ABTB2: variants seen among roughly 807,000 people sequenced by gnomAD.
The protein encoded by ABTB2 is ankyrin repeat and BTB domain containing 2.
ABTB2 carries 56 observed loss-of-function variants against 104.1 expected under a neutral mutation model. The observed-to-expected ratio is 0.54, with a 90% CI of 0.43 to 0.67. The LOEUF (loss-of-function observed/expected upper bound fraction) is 0.67. ABTB2 is among the 30% of genes least tolerant of loss of function. The probability of loss-of-function intolerance (pLI) is 0.00; values close to 1 mark genes in which losing one functional copy is unlikely to be tolerated. For synonymous variants in ABTB2, 606 were observed against 608.2 expected, an observed-to-expected ratio of 1.00 and a Z score of 0.05; for missense variants, 1,279 against 1,407.7, an observed-to-expected ratio of 0.91 and a Z score of 1.46.
intron 3 of ABTB2, among the ~76,000 whole-genome samples, chr11:34,195,017 T>C (rs1053965827): frequency 7.2e-6 from 1 of 139,710 alleles, no homozygotes; most frequent in South Asian, 2.2e-4. Flanking sequence ...TGTATTAGAG[T>C]ACAGGGGGCT....
At chr11:34,226,756 T>C (rs1233275430) in intron 1 of ABTB2, among the ~76,000 whole-genome samples, 2 of 152,220 alleles carry the variant, frequency 1.3e-5, no homozygotes, top group Non-Finnish European at 2.9e-5. Context: ...AACATTTTCA[T>C]CACCCCAAAA....
At chr11:34,163,436 G>A (rs1852751759) in intron 9 of ABTB2, among the ~76,000 whole-genome samples, 1 of 152,210 alleles carries the variant, frequency 6.6e-6, no homozygotes, top group South Asian at 2.1e-4. Context: ...TTAGCCTCGT[G>A]AGAGCCCAGA....
chr11:34,206,867 T>C (rs1853414809), intron 1 of ABTB2, among the ~76,000 whole-genome samples: 1 of 152,108 alleles, frequency 6.6e-6, no homozygotes, highest in Non-Finnish European at 1.5e-5. Context: ...CCCCTCTCCA[T>C]CTCCCTTTGC....
Position 34,166,608 on chromosome 11 carries a change from C to G in ABTB2, c.1755+651G>C, listed in dbSNP as rs759013496. Among the ~76,000 whole-genome samples the G allele has an allele frequency of 5.0e-4, 76 of 152,360 alleles. 1 individual carries two copies. Among genetic ancestry groups the G allele is most frequent in the South Asian group, 1.0e-3 (5 of 4,832 alleles). On this transcript the variant is annotated intron_variant, in intron 7 of 16. Transcript: ENST00000435224. ...GGAGCGAGGGTGTCACGCTAACTCCCTGGAAGGGGTGCCATGAAACCCTGC... is the reference window on the plus strand; with the variant it reads ...GGAGCGAGGGTGTCACGCTAACTCCGTGGAAGGGGTGCCATGAAACCCTGC...
intron 1 of ABTB2, among the ~76,000 whole-genome samples, chr11:34,295,293 G>A (rs953305070): frequency 6.6e-6 from 1 of 152,194 alleles, no homozygotes; most frequent in African/African-American, 2.4e-5. Context: ...ACACAGGCTA[G>A]AGGTCGTGGG....
chr11:34,241,866 C>A (rs1180860927), intron 1 of ABTB2, among the ~76,000 whole-genome samples: 1 of 152,210 alleles, frequency 6.6e-6, no homozygotes, highest in Non-Finnish European at 1.5e-5. Context: ...AATTTAGAAT[C>A]TAAGGCTGAG....
intron 3 of ABTB2, among the ~76,000 whole-genome samples, chr11:34,196,016 AC>A (rs543720781): frequency 9.9e-5 from 15 of 152,062 alleles, no homozygotes; most frequent in Non-Finnish European, 2.1e-4. Context: ...CCTGGGCTTC[AC>A]TGAGTGGTGA....
At chr11:34,251,723 G>T (rs558817824) in intron 1 of ABTB2, among the ~76,000 whole-genome samples, 13 of 152,120 alleles carry the variant, frequency 8.5e-5, no homozygotes, top group Non-Finnish European at 1.9e-4. Context: ...GCACTACACA[G>T]ATATAAGGAA....
intron 1 of ABTB2, 48 bp from the exon 2 acceptor site, chr11:34,204,738 T>G (rs1465493975): frequency 1.3e-6 from 2 of 1,575,270 alleles, no homozygotes; most frequent in Admixed American, 1.7e-5. Context: ...GGAGTGGAAG[T>G]TCAGTGGGCC....
chr11:34,204,598 G>A lies in ABTB2; in HGVS notation c.976C>T (p.Arg326Ter), dbSNP rs764476200. Reference sequence around the variant, plus strand: ...GCCAGGAGGGACTGCTCCAGGGTTCGGAGCTCCAGCTGGGCATAGGCATCG... The same window carrying A: ...GCCAGGAGGGACTGCTCCAGGGTTCAGAGCTCCAGCTGGGCATAGGCATCG... ...RADAYAQLELRTLEQSLLATC... is the reference protein window; with the variant it reads ...RADAYAQLEL Residue 326 changes from arginine to a stop codon, truncating the protein, a stop_gained, in exon 2 of 17, where the codon CGA becomes TGA. Transcript: ENST00000435224. LOFTEE classifies it high-confidence loss of function. 8 of 1,613,642 alleles carry A rather than the reference G, an allele frequency of 5.0e-6. No individual in the cohort carries two copies. The highest frequency in any genetic ancestry group is 5.9e-6 in the Non-Finnish European group (7 of 1,179,990).
intron 1 of ABTB2, among the ~76,000 whole-genome samples, chr11:34,258,465 A>G (rs1209702773): frequency 6.6e-6 from 1 of 152,216 alleles, no homozygotes; most frequent in Non-Finnish European, 1.5e-5. Context: ...GTGTTGCTCT[A>G]GGCAACTTAT....
chr11:34,224,073 C>T (rs568058635), intron 1 of ABTB2, among the ~76,000 whole-genome samples: 2 of 152,258 alleles, frequency 1.3e-5, no homozygotes, highest in Non-Finnish European at 2.9e-5. Flanking sequence ...TGCTCTGTTG[C>T]CCAGGCTGGA....
intron 1 of ABTB2, among the ~76,000 whole-genome samples, chr11:34,276,027 T>G (rs1338020468): frequency 6.6e-6 from 1 of 152,204 alleles, no homozygotes; most frequent in Non-Finnish European, 1.5e-5. Context: ...TTAATCCACC[T>G]ACTCATTGAG....
intron 3 of ABTB2, among the ~76,000 whole-genome samples, chr11:34,188,482 G>A (rs991197983): frequency 3.3e-5 from 5 of 152,196 alleles, no homozygotes; most frequent in South Asian, 2.1e-4. Flanking sequence ...TGTGTGCACC[G>A]TAGACTGTGA....
chr11:34,256,137 C>T (rs1320464647), intron 1 of ABTB2, among the ~76,000 whole-genome samples: 6 of 134,916 alleles, frequency 4.4e-5, no homozygotes, highest in African/African-American at 1.8e-4. Context: ...GTTGTCCACA[C>T]TGCCGTCGGT....
intron 3 of ABTB2, among the ~76,000 whole-genome samples, chr11:34,176,137 G>A (rs1478853896): frequency 6.6e-6 from 1 of 151,960 alleles, no homozygotes; most frequent in African/African-American, 2.4e-5. Context: ...AAAGTTAGCC[G>A]GGCGTGGTGG....
rs1852865927 is a variant in ABTB2 at position 34,170,962 on chromosome 11, T to C, written c.1507A>G (p.Ile503Val). The change falls in exon 5 of 17, where the codon ATC becomes GTC. Residue 503 changes from isoleucine (I) to valine (V), a missense_variant. Ile to Val is a conservative substitution (Grantham distance 29). Coordinates refer to ENST00000435224, the MANE Select transcript of ABTB2 (RefSeq NM_145804.3). ...RMLNCGRTDL[I>V]NQAIEALGPD... ...CCCAAGGCCTCGATGGCTTGGTTGA[T>C]GAGGTCCGTCCTCCCACAGTTGAGC... is the stretch of plus-strand genomic sequence containing the variant. The C allele has an allele frequency of 6.2e-7, 1 of 1,614,078 alleles. No homozygotes were observed. The highest frequency in any genetic ancestry group is 8.5e-7 in the Non-Finnish European group (1 of 1,180,048).
intron 1 of ABTB2, among the ~76,000 whole-genome samples, chr11:34,347,973 G>T (rs1260111209): frequency 6.6e-6 from 1 of 152,160 alleles, no homozygotes; most frequent in Non-Finnish European, 1.5e-5. Flanking sequence ...CGATCCAATG[G>T]CCTCGTTTAA....
In ABTB2 at chr11:34,357,371, C is replaced by A; in HGVS notation, c.213G>T (p.Val71=). 6.5e-7 allele frequency: 1 copy of A among 1,542,172 alleles called. No homozygotes were observed. The highest frequency in any genetic ancestry group is 1.2e-5 in the South Asian group (1 of 83,618). The change falls in exon 1 of 17, where the codon GTG becomes GTT. Residue 71 remains valine, a synonymous_variant. Coordinates refer to ENST00000435224, the MANE Select transcript of ABTB2 (RefSeq NM_145804.3). ...MNSRHNSWDT[V]NTVLPEDPEV... is the part of the protein sequence containing the mutation. ...CGGGGTCCTCGGGCAGCACCGTGTTCACCGTGTCCCAGCTGTTGTGGCGGC... is the reference window on the plus strand; with the variant it reads ...CGGGGTCCTCGGGCAGCACCGTGTTAACCGTGTCCCAGCTGTTGTGGCGGC...
Sources: gnomAD v4.1 joint callset for allele counts (sites outside exome capture counted in the v4.1 genomes callset) on GRCh38, gnomAD v4.1.1 for gene constraint, MANE v1.5 for transcripts, NCBI Gene and HGNC (gene_info 2026-07-23, HGNC 2026-07-21) for gene names.